Variants in FREM3 observed in about 807,000 individuals in gnomAD.
FREM3 encodes FRAS1 related extracellular matrix 3, also known as FRAS1-related extracellular matrix protein 3.
FREM3 carries 105 observed loss-of-function variants against 129.1 expected under a neutral mutation model. That is an observed-to-expected ratio of 0.81 (90% CI 0.69 to 0.96). The LOEUF (loss-of-function observed/expected upper bound fraction) is 0.96. Among genes scored for constraint, FREM3 ranks in the 40% least tolerant of loss-of-function variants. The pLI is 0.00. For synonymous variants in FREM3, 1,014 were observed against 1,044.9 expected (o/e 0.97, Z 0.57); for missense variants, 2,593 against 2,666.3 (o/e 0.97, Z 0.61).
chr4:143,595,657 G>A (rs1738459991), intron 6 of FREM3, among the ~76,000 whole-genome samples: 1 of 152,114 alleles, frequency 6.6e-6, no homozygotes, highest in Admixed American at 6.5e-5. Flanking sequence ...GGAGGCCAAG[G>A]TGGGCGGATC....
chr4:143,684,708 A>G (rs984344056), intron 2 of FREM3, among the ~76,000 whole-genome samples: 3 of 152,274 alleles, frequency 2.0e-5, no homozygotes, highest in African/African-American at 7.2e-5. Context: ...TAAGCTAATC[A>G]GGGAGGGACC....
rs192231498 is a variant in FREM3, at chr4:143,680,009, G to A, written c.5275+13104C>T. On this transcript the variant is annotated intron_variant, in intron 2 of 7. Transcript: ENST00000329798. ...GTCATATTAATCAATATTATTGAAC[G>A]AAGTTGGTTGTGATGTATTCAAGCA... is the stretch of plus-strand genomic sequence containing the variant. Among the ~76,000 whole-genome samples, 6 of 152,102 alleles carry A rather than the reference G, an allele frequency of 3.9e-5. No individual in the cohort carries two copies. In the East Asian group the frequency reaches 9.7e-4, roughly 24 times the overall value.
In FREM3 at chr4:143,623,502, C is replaced by G. The variant is rs550388699; in HGVS notation, c.5653+606G>C. 5.7e-4 allele frequency among the ~76,000 whole-genome samples: 78 copies of G among 137,150 alleles called. 3 individuals carry two copies. The highest frequency in any genetic ancestry group is 7.2e-4 in the Admixed American group (10 of 13,958). The allele number at this position is 137,150 out of a possible 152,430, so 90.0% of individuals were successfully genotyped here. On this transcript the variant is annotated intron_variant, in intron 4 of 7. Coordinates refer to ENST00000329798, the MANE Select transcript of FREM3 (RefSeq NM_001168235.2). The stretch of plus-strand genomic sequence containing the variant: ...CAAAGATGAATACTAATCCCCCCCC[C>G]CCCCCACCATTTAGGGAATATTCTT...
rs1740577317 is a variant in FREM3 at position 143,696,775 on chromosome 4, G to A, written c.3901C>T (p.Leu1301=). ...AGGTGAGGAGTTTCATCATCCACTA[G>A]GGTCACTACAATGGGTACCTTCCTG... is the stretch of plus-strand genomic sequence containing the variant. The part of the protein sequence containing the change: ...THRKVPIVVT[L]VDDETPHLTV... The change falls in exon 1 of 8, where the codon CTA becomes TTA. Residue 1301 remains leucine, a synonymous_variant. Coordinates refer to ENST00000329798, the MANE Select transcript of FREM3 (RefSeq NM_001168235.2). The A allele has an allele frequency of 6.5e-7, 1 of 1,537,766 alleles. No homozygotes were observed. Among genetic ancestry groups the A allele is most frequent in the Non-Finnish European group, 8.7e-7 (1 of 1,147,028 alleles).
intron 2 of FREM3, among the ~76,000 whole-genome samples, chr4:143,646,772 T>C (rs57543385): frequency 0.024 from 3,705 of 152,292 alleles, 156 homozygotes; most frequent in African/African-American, 0.083. Context: ...TGCAGTAAAT[T>C]TGATACTGCA....
chr4:143,611,400 A>G lies in FREM3; in HGVS notation c.5907T>C (p.Ile1969=), dbSNP rs1476416586. Residue 1969 remains isoleucine, a synonymous_variant, in exon 6 of 8, where the codon ATT becomes ATC. Coordinates refer to ENST00000329798, the MANE Select transcript of FREM3 (RefSeq NM_001168235.2). ...ETQKTCQVLI[I]DDSLYEEEES... ...CCTCCTCTTCATAAAGGGAGTCATCAATGATCAGGACCTGGCAGGTCTTCT... is the reference window on the plus strand; with the variant it reads ...CCTCCTCTTCATAAAGGGAGTCATCGATGATCAGGACCTGGCAGGTCTTCT... 6.5e-7 allele frequency: 1 copy of G among 1,537,016 alleles called. No individual in the cohort carries two copies. Among genetic ancestry groups the G allele is most frequent in the Non-Finnish European group, 8.7e-7 (1 of 1,146,856 alleles).
chr4:143,616,278 G>A (rs533554076), intron 5 of FREM3, among the ~76,000 whole-genome samples: 11 of 152,170 alleles, frequency 7.2e-5, no homozygotes, highest in Admixed American at 1.3e-4. Context: ...GAGAGTTTAC[G>A]CCCAGAAAAC....
Position 143,700,569 on chromosome 4 carries a change from A to G in FREM3, c.107T>C (p.Leu36Pro). The change falls in exon 1 of 8, where the codon CTT becomes CCT. Residue 36 changes from leucine to proline, a missense_variant. Physicochemically the swap from Leu to Pro is moderately conservative, Grantham distance 98. Transcript: ENST00000329798. ...RPALQGRASS[L>P]GTEPDPALYL... ...AAGCGCCGGGTCGGGCTCGGTCCCA[A>G]GTGAGGATGCCCGTCCCTGCAGCGC... The G allele has an allele frequency of 6.6e-7, 1 of 1,507,854 alleles. No individual in the cohort carries two copies. The highest frequency in any genetic ancestry group is 8.8e-7 in the Non-Finnish European group (1 of 1,130,190). 93.4% of individuals were successfully genotyped at this position (1,507,854 alleles called of 1,614,324 possible).
At chr4:143,640,022 A>G (rs545126686) in intron 2 of FREM3, among the ~76,000 whole-genome samples, 2 of 152,250 alleles carry the variant, frequency 1.3e-5, no homozygotes, top group East Asian at 3.9e-4. Flanking sequence ...CAGCGATACC[A>G]AGTTCTCATG....
chr4:143,693,538 G>A (rs1263023283), intron 1 of FREM3, among the ~76,000 whole-genome samples: 1 of 152,188 alleles, frequency 6.6e-6, no homozygotes, highest in Non-Finnish European at 1.5e-5. Context: ...AAAGCAATGT[G>A]GAGATTCCTC....
At chr4:143,650,990 G>A (rs959937781) in intron 2 of FREM3, among the ~76,000 whole-genome samples, 2 of 152,144 alleles carry the variant, frequency 1.3e-5, no homozygotes, top group Non-Finnish European at 2.9e-5. Flanking sequence ...AACAAACTCA[G>A]TGCTCATTTA....
intron 2 of FREM3, among the ~76,000 whole-genome samples, chr4:143,668,603 T>C (rs1297449525): frequency 3.9e-5 from 6 of 152,224 alleles, no homozygotes; most frequent in African/African-American, 1.4e-4. Context: ...TCCAGTTTGG[T>C]GCTATTGCTA....
chr4:143,592,340 G>A (rs1738379953), intron 6 of FREM3, among the ~76,000 whole-genome samples: 1 of 151,164 alleles, frequency 6.6e-6, no homozygotes, highest in South Asian at 2.1e-4. Context: ...TAGCCTTGAT[G>A]GTCTTTACAA....
intron 2 of FREM3, among the ~76,000 whole-genome samples, chr4:143,680,642 AGTT>A (rs1740232541): frequency 6.6e-6 from 1 of 152,224 alleles, no homozygotes; most frequent in South Asian, 2.1e-4. Flanking sequence ...ATATAATTAG[AGTT>A]GTTTGAAAAA....
At chr4:143,615,358 G>T (rs749542258) in intron 5 of FREM3, among the ~76,000 whole-genome samples, 1 of 152,144 alleles carries the variant, frequency 6.6e-6, no homozygotes, top group Non-Finnish European at 1.5e-5. Flanking sequence ...GTACATTTTA[G>T]TAGGACAGCA....
intron 2 of FREM3, among the ~76,000 whole-genome samples, chr4:143,632,906 A>C (rs372438150): frequency 1.3e-5 from 2 of 152,328 alleles, no homozygotes; most frequent in South Asian, 2.1e-4. Flanking sequence ...TGTAGCCCAC[A>C]GGCCATGGGT....
chr4:143,688,269 G>A (rs1333184564), intron 2 of FREM3, among the ~76,000 whole-genome samples: 2 of 151,766 alleles, frequency 1.3e-5, no homozygotes, highest in African/African-American at 4.8e-5. Flanking sequence ...TAAAATAGCT[G>A]CAAAAAATAA....
chr4:143,670,235 CTTGAAT>C, intron 2 of FREM3, among the ~76,000 whole-genome samples: 1 of 152,078 alleles, frequency 6.6e-6, no homozygotes, highest in African/African-American at 2.4e-5. Flanking sequence ...AAATGCCGAA[CTTGAAT>C]TTGAGAATGA....
chr4:143,681,306 A>G (rs1578867209), intron 2 of FREM3, among the ~76,000 whole-genome samples: 1 of 152,262 alleles, frequency 6.6e-6, no homozygotes, highest in South Asian at 2.1e-4. Flanking sequence ...ATTAAGTGCT[A>G]TACAAGTTTA....
Sources: gnomAD v4.1 joint callset for allele counts (sites outside exome capture counted in the v4.1 genomes callset) on GRCh38, gnomAD v4.1.1 for gene constraint, MANE v1.5 for transcripts, NCBI Gene and HGNC (gene_info 2026-07-23, HGNC 2026-07-21) for gene names.